VASH1: variants seen among roughly 807,000 people sequenced by gnomAD.
The protein encoded by VASH1 is vasohibin 1.
VASH1 carries 16 observed loss-of-function variants against 35.0 expected under a neutral mutation model. The observed-to-expected ratio is 0.46, with a 90% CI of 0.31 to 0.70. The LOEUF is 0.70. Among genes scored for constraint, VASH1 ranks in the 30% least tolerant of loss-of-function variants. VASH1 has a pLI of 0.05. For missense variants in VASH1, 505 were observed against 510.7 expected, an observed-to-expected ratio of 0.99 and a Z score of 0.11; for synonymous variants, 214 against 200.9, an observed-to-expected ratio of 1.07 and a Z score of -0.55.
At position 76,779,771 on chromosome 14, in the gene VASH1, T is replaced by C; in HGVS notation, c.*753T>C. 1 of 540,916 alleles carries C rather than the reference T, an allele frequency of 1.8e-6. No homozygotes were observed. The highest frequency in any genetic ancestry group is 3.0e-5 in the East Asian group (1 of 32,944). 33.5% of individuals were successfully genotyped at this position (540,916 alleles called of 1,614,324 possible). ...CTTGCTCAGTCCCAGCTCTGCCTGT[T>C]GCTCTAGCCCACAGGCTCCCTGCGG... On this transcript the variant is annotated 3_prime_UTR_variant, in exon 7 of 7. Transcript: ENST00000167106.
At chr14:76,777,195 T>A (rs1595279037) in intron 5 of VASH1, among the ~76,000 whole-genome samples, 1 of 152,168 alleles carries the variant, frequency 6.6e-6, no homozygotes, top group Non-Finnish European at 1.5e-5. Context: ...TCTCCTGGGG[T>A]GACAGTGCCT....
intron 1 of VASH1, among the ~76,000 whole-genome samples, chr14:76,766,610 T>G (rs1361437875): frequency 2.6e-5 from 4 of 152,108 alleles, no homozygotes; most frequent in African/African-American, 9.7e-5. Flanking sequence ...CTGGCTAATT[T>G]TTTTATTTTT....
At position 76,779,010 on chromosome 14, in the gene VASH1, C is replaced by G. The variant is rs766846068; in HGVS notation, c.1090C>G (p.Arg364Gly). The G allele has an allele frequency of 3.7e-6, 6 of 1,614,074 alleles. No individual in the cohort carries two copies. The East Asian group carries it at 1.3e-4, about 36-fold the overall frequency. The change falls in exon 7 of 7, where the codon CGG (arginine) becomes GGG (glycine). Residue 364 changes from arginine to glycine, a missense_variant. Transcript: ENST00000167106. Reference protein sequence around the residue: ...AMPDLNGYQIRV With the variant: ...AMPDLNGYQIGV Reference sequence around the variant, plus strand: ...GCCAGACCTTAACGGGTACCAGATCCGGGTCTGAGGCGGATGCCAGCACCC... The same window carrying G: ...GCCAGACCTTAACGGGTACCAGATCGGGGTCTGAGGCGGATGCCAGCACCC...
chr14:76,773,913 A>T (rs1174678043), intron 4 of VASH1: 2 of 152,330 alleles, frequency 1.3e-5, no homozygotes, highest in East Asian at 1.9e-4. Flanking sequence ...ACCTAGAACA[A>T]CATCATGAAC....
In VASH1 at chr14:76,763,089, A is replaced by G; in HGVS notation, c.268A>G (p.Lys90Glu). The G allele has an allele frequency of 6.6e-7, 1 of 1,507,110 alleles. No individual in the cohort carries two copies. Among genetic ancestry groups the G allele is most frequent in the Non-Finnish European group, 8.9e-7 (1 of 1,122,338 alleles). 93.4% of individuals were successfully genotyped at this position (1,507,110 alleles called of 1,614,324 possible). The change falls in exon 1 of 7, where the codon AAG (lysine) becomes GAG (glutamate). Residue 90 changes from lysine to glutamate, a missense_variant. Lys to Glu is a moderately conservative substitution (Grantham distance 56, BLOSUM62 1). Transcript: ENST00000167106. Reference protein sequence around the residue: ...HVAKIHPDGEKVAQRIRGATD... With the variant: ...HVAKIHPDGEEVAQRIRGATD... ...GGCCAAGATCCACCCCGATGGAGAG[A>G]AGGTGGCGCAACGGATCCGTGGGGC...
chr14:76,766,881 G>A (rs1893656784), intron 1 of VASH1, among the ~76,000 whole-genome samples: 1 of 152,160 alleles, frequency 6.6e-6, no homozygotes, highest in Non-Finnish European at 1.5e-5. Context: ...CATCTCATTC[G>A]CACTATAAGG....
chr14:76,776,996 T>C (rs1263600350), intron 5 of VASH1, among the ~76,000 whole-genome samples: 1 of 152,076 alleles, frequency 6.6e-6, no homozygotes, highest in Non-Finnish European at 1.5e-5. Context: ...GGGCGGTAGG[T>C]GGTAGCTCCA....
intron 1 of VASH1, among the ~76,000 whole-genome samples, chr14:76,768,967 T>C (rs545201773): frequency 6.6e-6 from 1 of 152,346 alleles, no homozygotes; most frequent in East Asian, 1.9e-4. Flanking sequence ...CAAGGAAGTC[T>C]GTTCTGAAAC....
Position 76,762,839 on chromosome 14 carries a change from G to C in VASH1, c.18G>C (p.Lys6Asn). ...ATTTAGGGATGCCAGGGGGGAAGAAGGTGGCTGGGGGTGGCAGCAGCGGTG... is the reference window on the plus strand; with the variant it reads ...ATTTAGGGATGCCAGGGGGGAAGAACGTGGCTGGGGGTGGCAGCAGCGGTG... MPGGKKVAGGGSSGAT... is the reference protein window; with the variant it reads MPGGKNVAGGGSSGAT... Residue 6 changes from lysine (K) to asparagine (N), a missense_variant, in exon 1 of 7, where the codon AAG (lysine) becomes AAC (asparagine). Lys to Asn is a moderately conservative substitution (Grantham distance 94). Transcript: ENST00000167106. 6.7e-7 allele frequency: 1 copy of C among 1,496,366 alleles called. No homozygotes were observed. The highest frequency in any genetic ancestry group is 8.9e-7 in the Non-Finnish European group (1 of 1,123,022). The allele number at this position is 1,496,366 out of a possible 1,614,324, so 92.7% of individuals were successfully genotyped here.
chr14:76,769,875 G>A (rs536868553), intron 1 of VASH1, 88 bp from the exon 2 acceptor site: 40 of 1,355,844 alleles, frequency 3.0e-5, no homozygotes, highest in East Asian at 4.7e-5. Flanking sequence ...AGGGTGGGGC[G>A]CCTCTGGGGC....
In VASH1 at chr14:76,779,393, C is replaced by T. The variant is rs79823205; in HGVS notation, c.*375C>T. On this transcript the variant is annotated 3_prime_UTR_variant, in exon 7 of 7. Coordinates refer to ENST00000167106, the MANE Select transcript of VASH1 (RefSeq NM_014909.5). ...TGGTGCCTCTGCCCCTGGCTTCTCT[C>T]TGGGAGTTGGGTGCATCTTATCAGT... 11,111 of 642,880 alleles carry T rather than the reference C, an allele frequency of 0.017. 139 individuals carry two copies. Among genetic ancestry groups the T allele is most frequent in the Non-Finnish European group, 0.023 (8,066 of 349,968 alleles). The allele number at this position is 642,880 out of a possible 1,614,324, so 39.8% of individuals were successfully genotyped here.
intron 4 of VASH1, 66 bp from the exon 5 acceptor site, chr14:76,775,826 C>A: frequency 6.7e-7 from 1 of 1,482,780 alleles, no homozygotes; most frequent in Admixed American, 2.3e-5. Context: ...GCTCCCGGTC[C>A]CAGTCCCTCC....
At chr14:76,776,309 G>T in intron 5 of VASH1, 36 bp downstream of exon 5, 1 of 1,496,662 alleles carries the variant, frequency 6.7e-7, no homozygotes, top group South Asian at 1.3e-5. Flanking sequence ...CCCCTCCCTC[G>T]CCCCCTCCCC....
At position 76,764,941 on chromosome 14, in the gene VASH1, C is replaced by T. The variant is rs575047726; in HGVS notation, c.309+1811C>T. 3.9e-5 allele frequency among the ~76,000 whole-genome samples: 6 copies of T among 152,292 alleles called. No homozygotes were observed. In the South Asian group the frequency reaches 1.2e-3, roughly 32 times the overall value. On this transcript the variant is annotated intron_variant, in intron 1 of 6. Coordinates refer to ENST00000167106, the MANE Select transcript of VASH1 (RefSeq NM_014909.5). ...TCCAGACCTCAGGTAATCCACCCAC[C>T]TCAGCCTCCCAAAGTGCTGGGATTA...
chr14:76,761,791 G>GAGC lies in VASH1; in HGVS notation c.-1029_-1027dup. On this transcript the variant is annotated 5_prime_UTR_variant, in exon 1 of 7. Coordinates refer to ENST00000167106, the MANE Select transcript of VASH1 (RefSeq NM_014909.5). ...GCTGCAGCCCGAGCGAACAGCCACG[G>GAGC]AGCATCCTCCGCCCGCCCGGGCCGC... Among the ~76,000 whole-genome samples, 1 of 151,970 alleles carries GAGC rather than the reference G, an allele frequency of 6.6e-6. No individual in the cohort carries two copies. The highest frequency in any genetic ancestry group is 2.1e-4 in the South Asian group (1 of 4,834).
rs1279476719 is a variant in VASH1, at chr14:76,779,493, G to A, written c.*475G>A. ...TGGAGATGTTTCTCCAGTTCTGCCT[G>A]CCCTGGCAGAATCTTGACCCAGGGA... On this transcript the variant is annotated 3_prime_UTR_variant, in exon 7 of 7. Coordinates refer to ENST00000167106, the MANE Select transcript of VASH1 (RefSeq NM_014909.5). The A allele has an allele frequency of 5.7e-6, 4 of 702,016 alleles. No homozygotes were observed. The Admixed American group carries it at 8.0e-5, about 14-fold the overall frequency. 43.5% of individuals were successfully genotyped at this position (702,016 alleles called of 1,614,324 possible).
At chr14:76,766,671 G>A (rs570219859) in intron 1 of VASH1, among the ~76,000 whole-genome samples, 2 of 152,124 alleles carry the variant, frequency 1.3e-5, no homozygotes, top group East Asian at 3.9e-4. Context: ...CAAACTCCTG[G>A]GCTCAAGCCA....
In VASH1 at chr14:76,779,188, A is replaced by G. The variant is rs1595281198; in HGVS notation, c.*170A>G. 1 of 752,966 alleles carries G rather than the reference A, an allele frequency of 1.3e-6. No individual in the cohort carries two copies. The highest frequency in any genetic ancestry group is 2.6e-5 in the East Asian group (1 of 37,744). The allele number at this position is 752,966 out of a possible 1,614,324, so 46.6% of individuals were successfully genotyped here. Reference sequence around the variant, plus strand: ...AAGCTGCTCTCGCTCCCACTGAGCCAAGCCCCCTAACTTTGGGCCTAGAGG... The same window carrying G: ...AAGCTGCTCTCGCTCCCACTGAGCCGAGCCCCCTAACTTTGGGCCTAGAGG... On this transcript the variant is annotated 3_prime_UTR_variant, in exon 7 of 7. Coordinates refer to ENST00000167106, the MANE Select transcript of VASH1 (RefSeq NM_014909.5).
chr14:76,775,947 T>C lies in VASH1; in HGVS notation c.586T>C (p.Tyr196His). ...GCGCTTCCCCATCAGCTTCAAGACCTACTTCTCAGGGAACTACTTCCGCCA... is the reference window on the plus strand; with the variant it reads ...GCGCTTCCCCATCAGCTTCAAGACCCACTTCTCAGGGAACTACTTCCGCCA... The part of the protein sequence containing the change: ...LERFPISFKT[Y>H]FSGNYFRHIV... Residue 196 changes from tyrosine (Y) to histidine (H), a missense_variant, in exon 5 of 7, where the codon TAC becomes CAC. Physicochemically the swap from Tyr to His is moderately conservative, Grantham distance 83. Transcript: ENST00000167106. 6.2e-7 allele frequency: 1 copy of C among 1,608,814 alleles called. No homozygotes were observed. The highest frequency in any genetic ancestry group is 8.5e-7 in the Non-Finnish European group (1 of 1,177,874).
Sources: gnomAD v4.1 joint callset for allele counts (sites outside exome capture counted in the v4.1 genomes callset) on GRCh38, gnomAD v4.1.1 for gene constraint, MANE v1.5 for transcripts, NCBI Gene and HGNC (gene_info 2026-07-23, HGNC 2026-07-21) for gene names.